ZNF365: variants seen among roughly 807,000 people sequenced by gnomAD.
ZNF365 encodes the protein protein ZNF365.
ZNF365 carries 22 observed loss-of-function variants against 35.0 expected under a neutral mutation model. That is an observed-to-expected ratio of 0.63 (90% CI 0.45 to 0.90). ZNF365 has a LOEUF of 0.90. Among genes scored for constraint, ZNF365 ranks in the 40% least tolerant of loss-of-function variants. The probability of loss-of-function intolerance (pLI) is 0.00; values close to 1 mark genes in which losing one functional copy is unlikely to be tolerated. For missense variants in ZNF365, 448 were observed against 500.3 expected, an observed-to-expected ratio of 0.90 and a Z score of 1.00; for synonymous variants, 188 against 196.2, an observed-to-expected ratio of 0.96 and a Z score of 0.35.
At chr10:62,413,357 G>A (rs1840019275) in intron 3 of ZNF365, among the ~76,000 whole-genome samples, 1 of 152,090 alleles carries the variant, frequency 6.6e-6, no homozygotes, top group South Asian at 2.1e-4. Context: ...ATCTTTTAGA[G>A]GAGAAAAAAA....
At position 62,454,170 on chromosome 10, in the gene ZNF365, T is replaced by C. The variant is rs191513953; in HGVS notation, c.925-5571T>C. 2.0e-3 allele frequency among the ~76,000 whole-genome samples: 303 copies of C among 152,336 alleles called. 4 individuals are homozygous for C. The highest frequency in any genetic ancestry group is 1.9e-3 in the Non-Finnish European group (130 of 68,034). ...TCATAGGGAACTTACCAGGTACTTA[T>C]CAAATATTAGCTATTGGTAGATAAG... On this transcript the variant is annotated intron_variant, in intron 3 of 4. Transcript: ENST00000395255.
intron 4 of ZNF365, among the ~76,000 whole-genome samples, chr10:62,466,526 C>G (rs1840946210): frequency 6.6e-6 from 1 of 152,116 alleles, no homozygotes; most frequent in South Asian, 2.1e-4. Context: ...GAGACAAGCC[C>G]AGCAGGAGTA....
rs1839277148 is a variant in ZNF365, at chr10:62,374,466, G to T, written c.-14+8G>T. 6.6e-6 allele frequency: 1 copy of T among 152,396 alleles called. No individual in the cohort carries two copies. The highest frequency in any genetic ancestry group is 1.5e-5 in the Non-Finnish European group (1 of 68,186). The allele number at this position is 152,396 out of a possible 1,614,324, so 9.4% of individuals were successfully genotyped here. The stretch of plus-strand genomic sequence containing the variant: ...GCAGCAGCAACAAGTCGGGTAAGAG[G>T]CGGCCGCCGGCCATCTGCGCCCGCG... On this transcript the variant is annotated splice_region_variant and intron_variant, in intron 1 of 4. Transcript: ENST00000395254.
chr10:62,464,667 C>T (rs570870413), intron 4 of ZNF365, among the ~76,000 whole-genome samples: 30 of 152,338 alleles, frequency 2.0e-4, no homozygotes, highest in African/African-American at 6.5e-4. Context: ...ATTCCTTTCC[C>T]CATTTTCTTC....
At chr10:62,390,635 A>G (rs1482710927) in intron 3 of ZNF365, among the ~76,000 whole-genome samples, 1 of 152,184 alleles carries the variant, frequency 6.6e-6, no homozygotes, top group Non-Finnish European at 1.5e-5. Context: ...TCGCTTTACA[A>G]TGTGACACAT....
intron 3 of ZNF365, among the ~76,000 whole-genome samples, chr10:62,419,930 A>G (rs1021412208): frequency 6.6e-6 from 1 of 152,104 alleles, no homozygotes; most frequent in Non-Finnish European, 1.5e-5. Context: ...TTTTTAGGTT[A>G]TTATAATTCC....
chr10:62,433,530 T>G (rs1878257), intron 3 of ZNF365, among the ~76,000 whole-genome samples: 1 of 151,966 alleles, frequency 6.6e-6, no homozygotes, highest in Non-Finnish European at 1.5e-5. Context: ...TAGTTCCTGA[T>G]GATGAAAAAG....
chr10:62,399,518 C>A lies in ZNF365; in HGVS notation c.963-10C>A. ...ATCTCTTCTCCACTCCCCCCTCCAA[C>A]CCTCTGTAGAAGCCGAGGGCACCCG... On this transcript the variant is annotated splice_polypyrimidine_tract_variant and intron_variant, in intron 4 of 4. Transcript: ENST00000395254. 2 of 1,613,278 alleles carry A rather than the reference C, an allele frequency of 1.2e-6. No homozygotes were observed. The highest frequency in any genetic ancestry group is 1.7e-6 in the Non-Finnish European group (2 of 1,179,384).
intron 4 of ZNF365, among the ~76,000 whole-genome samples, chr10:62,460,551 G>T (rs1206831521): frequency 2.0e-5 from 3 of 151,982 alleles, no homozygotes; most frequent in Non-Finnish European, 4.4e-5. Flanking sequence ...ATCTATTTTT[G>T]GGCCATGGTT....
At chr10:62,468,374 T>C (rs1564601687) in intron 4 of ZNF365, among the ~76,000 whole-genome samples, 1 of 152,212 alleles carries the variant, frequency 6.6e-6, no homozygotes. Context: ...GAAACAACTA[T>C]GCATGAATTT....
chr10:62,459,376 G>A (rs1222381633), intron 3 of ZNF365, among the ~76,000 whole-genome samples: 1 of 152,188 alleles, frequency 6.6e-6, no homozygotes, highest in Non-Finnish European at 1.5e-5. Context: ...TTACAGGAGG[G>A]ACTTGAAGGA....
chr10:62,461,597 CT>C (rs1840849142), intron 4 of ZNF365, among the ~76,000 whole-genome samples: 2 of 152,288 alleles, frequency 1.3e-5, no homozygotes, highest in East Asian at 3.9e-4. Flanking sequence ...AATACAAGGC[CT>C]TGGATGTAGC....
At chr10:62,476,468 G>A (rs1047632097) in intron 4 of ZNF365, among the ~76,000 whole-genome samples, 1 of 152,230 alleles carries the variant, frequency 6.6e-6, no homozygotes, top group Admixed American at 6.5e-5. Flanking sequence ...GGAGGGATGA[G>A]AAACTTTCAT....
chr10:62,478,988 A>C (rs1004488144), intron 4 of ZNF365, among the ~76,000 whole-genome samples: 3 of 152,228 alleles, frequency 2.0e-5, no homozygotes, highest in Admixed American at 2.0e-4. Flanking sequence ...CTTATCAAAG[A>C]ATTTCTATTC....
chr10:62,419,360 C>G (rs10821999), intron 3 of ZNF365, among the ~76,000 whole-genome samples: 93,401 of 151,798 alleles, frequency 0.62, 29,415 homozygotes, highest in East Asian at 0.84. Context: ...AAAAGGAAGA[C>G]GGAGGCTGAG....
chr10:62,453,919 A>G (rs1240882038), intron 3 of ZNF365, among the ~76,000 whole-genome samples: 1 of 152,222 alleles, frequency 6.6e-6, no homozygotes, highest in Non-Finnish European at 1.5e-5. Flanking sequence ...CCCCATTTAA[A>G]TGATGCTGTG....
At chr10:62,476,711 A>G (rs1841137779) in intron 4 of ZNF365, among the ~76,000 whole-genome samples, 1 of 152,280 alleles carries the variant, frequency 6.6e-6, no homozygotes, top group Admixed American at 6.5e-5. Context: ...GAAGCAAATT[A>G]GACATTGAAG....
intron 2 of ZNF365, among the ~76,000 whole-genome samples, chr10:62,386,456 C>T (rs1839528064): frequency 6.6e-6 from 1 of 152,116 alleles, no homozygotes; most frequent in South Asian, 2.1e-4. Context: ...TATGTTTGAT[C>T]CTGGTTGGGA....
chr10:62,460,706 T>C (rs535423825), intron 4 of ZNF365, among the ~76,000 whole-genome samples: 1 of 152,274 alleles, frequency 6.6e-6, no homozygotes, highest in South Asian at 2.1e-4. Flanking sequence ...TTAATTCTGA[T>C]GTGGTGTTGG....
Sources: gnomAD v4.1 joint callset for allele counts (sites outside exome capture counted in the v4.1 genomes callset) on GRCh38, gnomAD v4.1.1 for gene constraint, MANE v1.5 for transcripts, NCBI Gene and HGNC (gene_info 2026-07-23, HGNC 2026-07-21) for gene names.